The following FHIT variants were observed in gnomAD, a reference collection of about 807,000 sequenced individuals.
The protein encoded by FHIT is fragile histidine triad diadenosine triphosphatase.
In FHIT, 19 loss-of-function variants were observed where a neutral mutation model predicts 17.9. That is an observed-to-expected ratio of 1.06 (90% CI 0.74 to 1.56). The LOEUF is 1.56. Among genes scored for constraint, FHIT ranks in the 40% most tolerant of loss-of-function variants. The pLI is 0.00. For synonymous variants in FHIT, 81 were observed against 69.7 expected (o/e 1.16, Z -0.81); for missense variants, 248 against 189.2 (o/e 1.31, Z -1.82).
intron 7 of FHIT, among the ~76,000 whole-genome samples, chr3:59,967,649 C>A (rs577263390): frequency 6.6e-6 from 1 of 152,096 alleles, no homozygotes; most frequent in East Asian, 1.9e-4. Flanking sequence ...GGAAGCTTGG[C>A]AAAGGTGTTC....
At chr3:60,237,283 G>C (rs77005245) in intron 5 of FHIT, among the ~76,000 whole-genome samples, 1 of 78,466 alleles carries the variant, frequency 1.3e-5, no homozygotes, top group Non-Finnish European at 2.5e-5. Context: ...TTTTTTTTTG[G>C]TTAATCTGAT....
chr3:60,381,485 A>AAAAAG (rs571124759), intron 5 of FHIT, among the ~76,000 whole-genome samples: 15 of 152,178 alleles, frequency 9.9e-5, no homozygotes, highest in Admixed American at 2.6e-4. Context: ...TCTCAAAAAA[A>AAAAAG]AAAAGAAAAG....
chr3:60,937,515 T>G (rs1553773386), intron 3 of FHIT, among the ~76,000 whole-genome samples: 1 of 151,734 alleles, frequency 6.6e-6, no homozygotes, highest in Non-Finnish European at 1.5e-5. Flanking sequence ...TGTCTGCCTC[T>G]CTCAGGTGCA....
chr3:60,241,073 G>C (rs1227836302), intron 5 of FHIT, among the ~76,000 whole-genome samples: 1 of 152,104 alleles, frequency 6.6e-6, no homozygotes, highest in East Asian at 1.9e-4. Context: ...TAAAGCTAGG[G>C]ATGCACTTGC....
At chr3:60,143,334 G>T (rs55827397) in intron 5 of FHIT, among the ~76,000 whole-genome samples, 49,798 of 151,890 alleles carry the variant, frequency 0.33, 8,575 homozygotes, top group African/African-American at 0.41. Flanking sequence ...GATATATGGG[G>T]AGAAGTGACA....
At chr3:60,914,060 T>C (rs1360497691) in intron 3 of FHIT, among the ~76,000 whole-genome samples, 1 of 152,180 alleles carries the variant, frequency 6.6e-6, no homozygotes, top group African/African-American at 2.4e-5. Flanking sequence ...GCACAGACAG[T>C]GTGGAAGGAT....
At chr3:60,849,020 A>G (rs576438481) in intron 3 of FHIT, among the ~76,000 whole-genome samples, 127 of 152,294 alleles carry the variant, frequency 8.3e-4, no homozygotes, top group African/African-American at 3.0e-3. Context: ...ATTTCAGAAA[A>G]TACATTCCTT....
At position 60,172,780 on chromosome 3, in the gene FHIT, T is replaced by A. The variant is rs539429364; in HGVS notation, c.104-158628A>T. Among the ~76,000 whole-genome samples the A allele has an allele frequency of 2.6e-5, 4 of 152,246 alleles. No homozygotes were observed. The South Asian group carries it at 6.2e-4, about 24-fold the overall frequency. Reference sequence around the variant, plus strand: ...GCAGAGGCTCCTCCAAGCAGGACTGTCCAGGCTGTTGCAGGAAAGAGGTCT... The same window carrying A: ...GCAGAGGCTCCTCCAAGCAGGACTGACCAGGCTGTTGCAGGAAAGAGGTCT... On this transcript the variant is annotated intron_variant, in intron 5 of 9. Transcript: ENST00000492590.
At position 59,750,012 on chromosome 3, in the gene FHIT, A is replaced by ATGTT. The variant is rs1700803618; in HGVS notation, c.*6-437_*6-434dup. 3.4e-5 allele frequency: 7 copies of ATGTT among 205,298 alleles called. No homozygotes were observed. In the South Asian group the frequency reaches 1.2e-3, roughly 37 times the overall value. 12.7% of individuals were successfully genotyped at this position (205,298 alleles called of 1,614,324 possible). A position where few individuals can be genotyped will look rare whatever the true frequency, so the allele number is the denominator to read the frequency against. On this transcript the variant is annotated intron_variant, in intron 9 of 9. Coordinates refer to ENST00000492590, the MANE Select transcript of FHIT (RefSeq NM_002012.4). ...ACAAAACCTTTAAAGAGAAATACAC[A>ATGTT]TGTTAGTTAACTTAAAAATCCACAG...
chr3:60,471,721 A>T (rs2107448827), intron 5 of FHIT, among the ~76,000 whole-genome samples: 1 of 152,178 alleles, frequency 6.6e-6, no homozygotes, highest in East Asian at 1.9e-4. Flanking sequence ...ACTTTTTTGT[A>T]TGTACAGTTG....
intron 5 of FHIT, among the ~76,000 whole-genome samples, chr3:60,437,868 C>G: frequency 6.6e-6 from 1 of 151,940 alleles, no homozygotes; most frequent in Non-Finnish European, 1.5e-5. Flanking sequence ...ACCCCATGCA[C>G]CAAAATCATG....
At chr3:60,240,542 G>A (rs967012745) in intron 5 of FHIT, among the ~76,000 whole-genome samples, 1 of 152,052 alleles carries the variant, frequency 6.6e-6, no homozygotes, top group African/African-American at 2.4e-5. Context: ...AAAACATCAC[G>A]GAAGCACAAA....
At chr3:60,778,652 C>A (rs1190882043) in intron 4 of FHIT, among the ~76,000 whole-genome samples, 3 of 152,216 alleles carry the variant, frequency 2.0e-5, no homozygotes, top group African/African-American at 7.2e-5. Flanking sequence ...TTCTCTCTGC[C>A]TGGTTCCTCT....
intron 5 of FHIT, among the ~76,000 whole-genome samples, chr3:60,102,832 AT>A (rs1704249276): frequency 6.6e-6 from 1 of 152,216 alleles, no homozygotes; most frequent in African/African-American, 2.4e-5. Flanking sequence ...AGAGAAAAAA[AT>A]GACACATCTA....
At chr3:60,417,531 A>T (rs1302398009) in intron 5 of FHIT, among the ~76,000 whole-genome samples, 1 of 152,214 alleles carries the variant, frequency 6.6e-6, no homozygotes, top group African/African-American at 2.4e-5. Context: ...CAAAGAAAAT[A>T]TAATAGAAAA....
intron 3 of FHIT, among the ~76,000 whole-genome samples, chr3:60,952,698 T>A (rs559781390): frequency 1.3e-5 from 2 of 152,228 alleles, no homozygotes; most frequent in Non-Finnish European, 2.9e-5. Context: ...AAAACCCCCA[T>A]ATAGAAGACG....
At chr3:60,797,064 A>G (rs912115311) in intron 4 of FHIT, among the ~76,000 whole-genome samples, 4 of 152,200 alleles carry the variant, frequency 2.6e-5, no homozygotes, top group Middle Eastern at 3.2e-3. Context: ...TTCCTATCAC[A>G]AACATATTTC....
intron 8 of FHIT, among the ~76,000 whole-genome samples, chr3:59,862,762 T>G (rs1470136028): frequency 6.6e-6 from 1 of 152,152 alleles, no homozygotes; most frequent in African/African-American, 2.4e-5. Flanking sequence ...TTATTAAACA[T>G]GTGATTGCTG....
At chr3:60,188,321 T>G (rs1042136008) in intron 5 of FHIT, among the ~76,000 whole-genome samples, 1 of 152,052 alleles carries the variant, frequency 6.6e-6, no homozygotes, top group Non-Finnish European at 1.5e-5. Flanking sequence ...CACCTCACTT[T>G]TGTACTTGGT....
Sources: allele counts gnomAD v4.1 joint callset (sites outside exome capture counted in the v4.1 genomes callset), GRCh38; gene constraint gnomAD v4.1.1; transcripts MANE v1.5; gene names NCBI Gene and HGNC (gene_info 2026-07-23, HGNC 2026-07-21).